Variants in TGIF1 observed in about 807,000 individuals in gnomAD.
The protein encoded by TGIF1 is TGFB induced factor homeobox 1.
TGIF1 carries 4 observed loss-of-function variants against 19.3 expected under a neutral mutation model. That is an observed-to-expected ratio of 0.21 (90% confidence interval 0.10 to 0.47). The LOEUF is 0.47. Among genes scored for constraint, TGIF1 ranks in the 20% least tolerant of loss-of-function variants. TGIF1 has a pLI of 0.98. For missense variants in TGIF1, 275 were observed against 341.4 expected, an observed-to-expected ratio of 0.81 and a Z score of 1.53; for synonymous variants, 122 against 129.3, an observed-to-expected ratio of 0.94 and a Z score of 0.38.
Position 3,458,268 on chromosome 18 carries a change from C to G in TGIF1, c.*328C>G, listed in dbSNP as rs2049428153. The G allele has an allele frequency of 3.5e-6, 1 of 286,966 alleles. No individual in the cohort carries two copies. Among genetic ancestry groups the G allele is most frequent in the Admixed American group, 4.9e-5 (1 of 20,410 alleles). 17.8% of individuals were successfully genotyped at this position (286,966 alleles called of 1,614,324 possible). A position where few individuals can be genotyped will look rare whatever the true frequency, so the allele number is the denominator to read the frequency against. ...TCAGACTGTGCAATACTTAGAGAAC[C>G]TATAGCATCTTCTCATTCCCATGTG... On this transcript the variant is annotated 3_prime_UTR_variant, in exon 3 of 3. Coordinates refer to ENST00000343820, the MANE Select transcript of TGIF1 (RefSeq NM_003244.4).
chr18:3,457,189 G>T lies in TGIF1; in HGVS notation c.244-176G>T. 1 of 748,048 alleles carries T rather than the reference G, an allele frequency of 1.3e-6. No individual in the cohort carries two copies. The highest frequency in any genetic ancestry group is 1.8e-5 in the African/African-American group (1 of 57,058). The allele number at this position is 748,048 out of a possible 1,614,324, so 46.3% of individuals were successfully genotyped here. On this transcript the variant is annotated intron_variant, in intron 2 of 2. Transcript: ENST00000343820. The surrounding 1 kb of genome is among the most constrained non-coding windows in gnomAD (Gnocchi z 4.9). The stretch of plus-strand genomic sequence containing the variant: ...ACTAGAAGGCTTATGACAGGTGGTA[G>T]CTTGCTTTCTTGGCGGAGCTCAGAT...
chr18:3,438,868 A>T (rs2082648675), intron 2 of TGIF1, among the ~76,000 whole-genome samples: 1 of 152,234 alleles, frequency 6.6e-6, no homozygotes, highest in African/African-American at 2.4e-5. Context: ...ATAAGCTAGT[A>T]GAACTAAAAG....
At chr18:3,418,492 G>T (rs994857141) in intron 2 of TGIF1, 1 of 152,214 alleles carries the variant, frequency 6.6e-6, no homozygotes, top group African/African-American at 2.4e-5. Flanking sequence ...CTGCATACTT[G>T]TAATCATCTT....
intron 2 of TGIF1, among the ~76,000 whole-genome samples, chr18:3,434,342 G>A (rs1006303527): frequency 6.6e-6 from 1 of 152,228 alleles, no homozygotes; most frequent in Non-Finnish European, 1.5e-5. Flanking sequence ...TTCGAGACCA[G>A]CCTGACCAAC....
chr18:3,429,421 T>C (rs1256342923), intron 2 of TGIF1, among the ~76,000 whole-genome samples: 2 of 152,132 alleles, frequency 1.3e-5, no homozygotes, highest in African/African-American at 4.8e-5. Flanking sequence ...TCACAGTTAT[T>C]TTCTCAACTA....
At chr18:3,447,633 G>C, upstream of TGIF1, 1 of 1,249,270 alleles carries the variant, frequency 8.0e-7, no homozygotes, top group African/African-American at 1.5e-5. Context: ...GGGAGGCAGT[G>C]GGGGTGCATC....
chr18:3,459,508 C>T lies in TGIF1; in HGVS notation c.*1568C>T, dbSNP rs1055865661. 1 of 152,042 alleles carries T rather than the reference C, an allele frequency of 6.6e-6. No homozygotes were observed. The highest frequency in any genetic ancestry group is 6.6e-5 in the Admixed American group (1 of 15,248). 9.4% of individuals were successfully genotyped at this position (152,042 alleles called of 1,614,324 possible). The stretch of plus-strand genomic sequence containing the variant: ...AGAGAGTCACAGAAATAGACAAAAA[C>T]CCAAAAAGTACTAGTAAAGTAAATA... On this transcript the variant is annotated 3_prime_UTR_variant, in exon 3 of 3. Transcript: ENST00000343820.
Position 3,428,651 on chromosome 18 carries a change from C to T in TGIF1, c.-45+10436C>T, listed in dbSNP as rs560790574. On this transcript the variant is annotated intron_variant, in intron 2 of 3. Coordinates refer to the TGIF1 transcript ENST00000401449. ...GTTTAGGAGGCTGAGGCGGGAGAAT[C>T]ACTTGAATTCAGGAGGTGGAGGTTG... Among the ~76,000 whole-genome samples, 5 of 151,922 alleles carry T rather than the reference C, an allele frequency of 3.3e-5. No homozygotes were observed. The South Asian group carries it at 1.0e-3, about 32-fold the overall frequency.
At position 3,457,459 on chromosome 18, in the gene TGIF1, G is replaced by A. The variant is rs373874366; in HGVS notation, c.338G>A (p.Arg113His). The change falls in exon 3 of 3, where the codon CGT (arginine) becomes CAT (histidine). Residue 113 changes from arginine (R) to histidine (H), a missense_variant. Transcript: ENST00000343820. The surrounding 1 kb of genome is among the most constrained non-coding windows in gnomAD (Gnocchi z 4.9). ...CCAAATCAGTTCACAATTTCCCGCC[G>A]TGGGGCCAAGATTTCTGAAACGAGC... ...KDPNQFTISR[R>H]GAKISETSSV... is the part of the protein sequence containing the mutation. 2.5e-6 allele frequency: 4 copies of A among 1,614,232 alleles called. No homozygotes were observed. The highest frequency in any genetic ancestry group is 1.1e-5 in the South Asian group (1 of 91,086).
intron 1 of TGIF1, chr18:3,415,532 C>T (rs1299655709): frequency 9.4e-6 from 4 of 423,820 alleles, no homozygotes; most frequent in African/African-American, 4.0e-5. Context: ...CCAGCACCCC[C>T]TTTAGAGCCC....
chr18:3,448,765 T>G (rs1555649062), upstream of TGIF1, among the ~76,000 whole-genome samples: 1 of 142,764 alleles, frequency 7.0e-6, no homozygotes, highest in Non-Finnish European at 1.5e-5. Context: ...CTAGCTCTAG[T>G]TCCTGAAACA....
intron 1 of TGIF1, chr18:3,415,439 A>T (rs1220806898): frequency 2.0e-6 from 1 of 496,372 alleles, no homozygotes; most frequent in Non-Finnish European, 4.0e-6. Context: ...CAGGCAGAGG[A>T]TCCAAAATTA....
rs1568053979 is a variant in TGIF1 at position 3,456,588 on chromosome 18, AAG to A, written c.243+13_243+14del. On this transcript the variant is annotated intron_variant, in intron 2 of 2. Coordinates refer to ENST00000343820, the MANE Select transcript of TGIF1 (RefSeq NM_003244.4). The surrounding 1 kb of genome is among the most constrained non-coding windows in gnomAD (Gnocchi z 4.2). The stretch of plus-strand genomic sequence containing the variant: ...CACCTGTCTACGCTACAGGTAAAGA[AAG>A]AGAGCGTGAGGTTTATGGATGCATT... 5 of 1,612,912 alleles carry A rather than the reference AAG, an allele frequency of 3.1e-6. No homozygotes were observed. The highest frequency in any genetic ancestry group is 1.3e-5 in the African/African-American group (1 of 75,048).
chr18:3,447,912 T>A (rs1303294100), upstream of TGIF1: 12 of 1,495,400 alleles, frequency 8.0e-6, no homozygotes, highest in Non-Finnish European at 1.1e-5. Context: ...CCCTTTCCAA[T>A]TCTCGGTTCC....
chr18:3,459,679 T>TA lies in TGIF1; in HGVS notation c.*1740dup, dbSNP rs1313310360. ...GCAAGTCCTAAAAGGTTTGCCCTGT[T>TA]ACGGTGTTTCATCACTCATACTGGA... On this transcript the variant is annotated 3_prime_UTR_variant, in exon 3 of 3. Coordinates refer to ENST00000343820, the MANE Select transcript of TGIF1 (RefSeq NM_003244.4). 2.6e-5 allele frequency: 4 copies of TA among 152,256 alleles called. No individual in the cohort carries two copies. Among genetic ancestry groups the TA allele is most frequent in the Admixed American group, 6.5e-5 (1 of 15,290 alleles). The allele number at this position is 152,256 out of a possible 1,614,324, so 9.4% of individuals were successfully genotyped here.
intron 2 of TGIF1, among the ~76,000 whole-genome samples, chr18:3,427,163 C>T (rs1021238022): frequency 4.6e-5 from 7 of 152,002 alleles, no homozygotes; most frequent in Admixed American, 1.3e-4. Flanking sequence ...AGGCTAGCCT[C>T]GAACTCCTGA....
At chr18:3,452,876 G>T (rs570916621) in intron 1 of TGIF1, among the ~76,000 whole-genome samples, 2 of 152,298 alleles carry the variant, frequency 1.3e-5, no homozygotes, top group African/African-American at 4.8e-5. Context: ...TGTGATAATA[G>T]TGTGTCCTCC....
upstream of TGIF1, chr18:3,448,074 G>GT (rs796656597): frequency 4.4e-5 from 42 of 953,528 alleles, no homozygotes; most frequent in African/African-American, 1.1e-3. Flanking sequence ...TAAAGCGGGC[G>GT]GGGGGGGAGG....
chr18:3,457,537 C>A lies in TGIF1; in HGVS notation c.416C>A (p.Thr139Asn), dbSNP rs769260397. 6 of 1,614,054 alleles carry A rather than the reference C, an allele frequency of 3.7e-6. No individual in the cohort carries two copies. Among genetic ancestry groups the A allele is most frequent in the Admixed American group, 3.3e-5 (2 of 60,006 alleles). ...IKNFMPALEE[T>N]PFHSCTAGPN... ...AACTTCATGCCAGCTCTAGAGGAGA[C>A]CCCATTTCATTCCTGTACAGCTGGG... Residue 139 changes from threonine to asparagine, a missense_variant, in exon 3 of 3, where the codon ACC becomes AAC. Transcript: ENST00000343820. This position sits in a 1 kb window ranked among gnomAD's most constrained non-coding sequence, Gnocchi z 4.9.
Sources: allele counts gnomAD v4.1 joint callset (sites outside exome capture counted in the v4.1 genomes callset), GRCh38; gene constraint gnomAD v4.1.1; non-coding constraint Gnocchi (gnomAD v3.1); transcripts MANE v1.5; gene names NCBI Gene and HGNC (gene_info 2026-07-23, HGNC 2026-07-21).